The following SSUH2 variants were observed in gnomAD, a reference collection of about 807,000 sequenced individuals.
SSUH2 encodes protein SSUH2 homolog.
A neutral mutation model predicts 55.3 loss-of-function variants in SSUH2; 47 were observed. The observed-to-expected ratio is 0.85, with a 90% confidence interval of 0.67 to 1.08. The LOEUF (loss-of-function observed/expected upper bound fraction) is 1.08, where lower values mean the gene tolerates loss of function less well. Among genes scored for constraint, SSUH2 ranks in the 50% least tolerant of loss-of-function variants. The pLI is 0.00. For missense variants in SSUH2, 535 were observed against 490.7 expected (o/e 1.09, Z -0.85); for synonymous variants, 212 against 191.5 (o/e 1.11, Z -0.89).
intron 11 of SSUH2, 56 bp downstream of exon 11, chr3:8,623,493 G>T: frequency 9.4e-7 from 1 of 1,058,820 alleles, no homozygotes; most frequent in Non-Finnish European, 1.4e-6. Flanking sequence ...AGGAAAGAGG[G>T]CTCAGCAGCC....
rs144613701 is a variant in SSUH2 at position 8,673,768 on chromosome 3, A to G, written c.-752-1733T>C. Among the ~76,000 whole-genome samples, 1,061 of 152,262 alleles carry G rather than the reference A, an allele frequency of 7.0e-3. 8 individuals are homozygous for G. The highest frequency in any genetic ancestry group is 0.01 in the Non-Finnish European group (714 of 68,018). On this transcript the variant is annotated intron_variant, in intron 3 of 18. Transcript: ENST00000317371. ...TTACCAGGAACCGAACACCTGTTGG[A>G]CCCACGTGAAAGAGAGGATATGCAA...
intron 1 of SSUH2, among the ~76,000 whole-genome samples, chr3:8,681,362 C>T (rs1379014024): frequency 6.7e-6 from 1 of 150,104 alleles, no homozygotes; most frequent in South Asian, 2.1e-4. Flanking sequence ...AGAGCCAGCC[C>T]CTTTTTTCCC....
intron 1 of SSUH2, among the ~76,000 whole-genome samples, 178 bp from the exon 2 acceptor site, chr3:8,636,035 G>A (rs1699868477): frequency 2.0e-5 from 3 of 152,220 alleles, no homozygotes. Flanking sequence ...AGTAGCAGCA[G>A]TAATAATAGT....
rs544320564 is a variant in SSUH2, at chr3:8,679,308, C to T, written c.-901+397G>A. Reference sequence around the variant, plus strand: ...AGGGGGGGAGCCACCCCCCATGAGGCGGGGACTAAGAGCCAGCCCCTCTTC... The same window carrying T: ...AGGGGGGGAGCCACCCCCCATGAGGTGGGGACTAAGAGCCAGCCCCTCTTC... On this transcript the variant is annotated intron_variant, in intron 2 of 18. Transcript: ENST00000317371. Among the ~76,000 whole-genome samples, 26 of 70,240 alleles carry T rather than the reference C, an allele frequency of 3.7e-4. 8 individuals carry two copies. The Admixed American group carries it at 3.8e-3, about 10-fold the overall frequency. 46.1% of individuals were successfully genotyped at this position (70,240 alleles called of 152,430 possible).
chr3:8,637,632 C>T (rs552017529), intron 1 of SSUH2, among the ~76,000 whole-genome samples: 6 of 152,302 alleles, frequency 3.9e-5, no homozygotes, highest in African/African-American at 9.6e-5. Context: ...CCCACTGGGC[C>T]GCCCCTTTAA....
chr3:8,622,532 A>G (rs1696660855), intron 11 of SSUH2, among the ~76,000 whole-genome samples: 1 of 152,226 alleles, frequency 6.6e-6, no homozygotes, highest in South Asian at 2.1e-4. Context: ...TTGTGCCTAC[A>G]GAAAGCTGAG....
chr3:8,628,770 A>G (rs1372340718), intron 7 of SSUH2, among the ~76,000 whole-genome samples: 1 of 152,216 alleles, frequency 6.6e-6, no homozygotes, highest in Non-Finnish European at 1.5e-5. Flanking sequence ...CAGTGCCTCC[A>G]GAAGAACCAG....
At chr3:8,648,800 C>T (rs1160582212), upstream of SSUH2, among the ~76,000 whole-genome samples, 1 of 152,136 alleles carries the variant, frequency 6.6e-6, no homozygotes, top group Non-Finnish European at 1.5e-5. Flanking sequence ...CTGGATACAT[C>T]GCAGCTCCAG....
intron 2 of SSUH2, among the ~76,000 whole-genome samples, chr3:8,678,608 G>GC (rs1705632420): frequency 3.9e-4 from 31 of 80,176 alleles, no homozygotes; most frequent in African/African-American, 1.2e-3. Context: ...CTGAGAGCCA[G>GC]CCCTTCTTCC....
chr3:8,674,215 A>G (rs1367829377), intron 3 of SSUH2, among the ~76,000 whole-genome samples: 3 of 152,246 alleles, frequency 2.0e-5, no homozygotes, highest in East Asian at 3.9e-4. Flanking sequence ...CCAAAGAAGC[A>G]AGGGAAGGGG....
chr3:8,648,654 G>C (rs1352499832), upstream of SSUH2, among the ~76,000 whole-genome samples: 1 of 152,120 alleles, frequency 6.6e-6, no homozygotes, highest in South Asian at 2.1e-4. Context: ...TGCTGCCCTG[G>C]GCTTCCCTCT....
chr3:8,673,802 C>G (rs751245175), intron 3 of SSUH2, among the ~76,000 whole-genome samples: 2 of 152,168 alleles, frequency 1.3e-5, no homozygotes, highest in African/African-American at 2.4e-5. Flanking sequence ...AAAGGCTAAA[C>G]TGAGACCGGG....
At chr3:8,653,281 AT>A (rs1702610917) in intron 7 of SSUH2, among the ~76,000 whole-genome samples, 1 of 152,222 alleles carries the variant, frequency 6.6e-6, no homozygotes, top group African/African-American at 2.4e-5. Flanking sequence ...TACCTTCACC[AT>A]TACTTTTTAT....
chr3:8,674,132 C>T (rs975760175), intron 3 of SSUH2, among the ~76,000 whole-genome samples: 54 of 152,282 alleles, frequency 3.5e-4, no homozygotes, highest in Non-Finnish European at 3.2e-4. Context: ...CGAGGAAAAG[C>T]GCAAAGAGAA....
chr3:8,655,765 A>AT (rs1702875817), intron 7 of SSUH2, among the ~76,000 whole-genome samples: 1 of 152,206 alleles, frequency 6.6e-6, no homozygotes, highest in Admixed American at 6.5e-5. Context: ...CAGAAAACTG[A>AT]TAACACAGCC....
rs1696897385 is a variant in SSUH2, at chr3:8,623,581, C to T, written c.949G>A (p.Ala317Thr). Residue 317 changes from alanine (A) to threonine (T), a missense_variant, in exon 11 of 12, where the codon GCC becomes ACC. Coordinates refer to ENST00000544814, the MANE Select transcript of SSUH2 (RefSeq NM_001256748.3). ...AGGACGCGGGCACGGGAGGCCAAGG[C>T]AGCGCTGTGCTCTGCAATGCCCCTC... The part of the protein sequence containing the change: ...SQRGIAEHSA[A>T]LASRARVLQQ... 3 of 1,550,814 alleles carry T rather than the reference C, an allele frequency of 1.9e-6. No individual in the cohort carries two copies. The highest frequency in any genetic ancestry group is 2.4e-5 in the South Asian group (2 of 84,010).
At chr3:8,624,440 G>A (rs1697102292) in intron 10 of SSUH2, among the ~76,000 whole-genome samples, 1 of 152,202 alleles carries the variant, frequency 6.6e-6, no homozygotes, top group Admixed American at 6.5e-5. Context: ...AAATGGAAGA[G>A]TGGGGTGCAG....
upstream of SSUH2, among the ~76,000 whole-genome samples, chr3:8,646,976 G>C (rs1575248374): frequency 6.6e-6 from 1 of 152,234 alleles, no homozygotes; most frequent in East Asian, 1.9e-4. Flanking sequence ...TAGCACAGCT[G>C]TCCAGGAGCT....
At chr3:8,678,449 C>T (rs1222278968) in intron 2 of SSUH2, among the ~76,000 whole-genome samples, 5 of 151,782 alleles carry the variant, frequency 3.3e-5, no homozygotes, top group Admixed American at 6.6e-5. Context: ...TTATCCTCTC[C>T]GCCTCTATCC....
Sources: allele counts gnomAD v4.1 joint callset (sites outside exome capture counted in the v4.1 genomes callset), GRCh38; gene constraint gnomAD v4.1.1; transcripts MANE v1.5; gene names NCBI Gene and HGNC (gene_info 2026-07-23, HGNC 2026-07-21).